SPON1: variants seen among roughly 807,000 people sequenced by gnomAD.
SPON1 encodes spondin 1.
Under a neutral mutation model 111.7 loss-of-function variants are expected in SPON1, and 52 were observed. The ratio of observed to expected loss-of-function variants is 0.47; its 90% CI spans 0.37 to 0.59. The LOEUF (loss-of-function observed/expected upper bound fraction) is 0.59, where lower values mean the gene tolerates loss of function less well. Ranked by LOEUF, SPON1 falls within the 20% of genes least tolerant of loss-of-function variation. The probability of loss-of-function intolerance (pLI) is 0.00; values close to 1 mark genes in which losing one functional copy is unlikely to be tolerated. For missense variants in SPON1, 957 were observed against 1,068.5 expected, an observed-to-expected ratio of 0.90 and a Z score of 1.46; for synonymous variants, 410 against 395.8, an observed-to-expected ratio of 1.04 and a Z score of -0.43.
At chr11:14,068,326 C>T (rs1848848354) in intron 3 of SPON1, among the ~76,000 whole-genome samples, 1 of 152,164 alleles carries the variant, frequency 6.6e-6, no homozygotes, top group Non-Finnish European at 1.5e-5. Flanking sequence ...TTATTAAAAT[C>T]AGAACCAGGG....
intron 6 of SPON1, among the ~76,000 whole-genome samples, chr11:14,144,015 C>T (rs903351160): frequency 3.1e-4 from 47 of 152,264 alleles, no homozygotes; most frequent in African/African-American, 9.9e-4. Flanking sequence ...CTTCTTAAGT[C>T]TCTGACCTCG....
intron 5 of SPON1, among the ~76,000 whole-genome samples, chr11:14,120,128 A>G (rs190330194): frequency 6.6e-6 from 1 of 152,206 alleles, no homozygotes; most frequent in African/African-American, 2.4e-5. Flanking sequence ...GAGTCATTTA[A>G]TCTGTCTGTG....
intron 6 of SPON1, among the ~76,000 whole-genome samples, chr11:14,218,608 AC>A (rs35490070): frequency 0.12 from 18,984 of 152,106 alleles, 1,396 homozygotes; most frequent in South Asian, 0.23. Context: ...TGTTAGGCAT[AC>A]CCTAGCAGCC....
rs782023337 is a variant in SPON1, at chr11:14,243,357, A to C, written c.851A>C (p.Lys284Thr). The change falls in exon 7 of 16, where the codon AAA becomes ACA. Residue 284 changes from lysine to threonine, a missense_variant. By Grantham distance (78) the Lys-to-Thr change is moderately conservative. Coordinates refer to ENST00000576479, the MANE Select transcript of SPON1 (RefSeq NM_006108.4). ...QQSDEVLTVI[K>T]AKAQWPAWQP... ...AGTGATGAGGTCCTCACCGTCATCA[A>C]AGCCAAAGCCCAATGGCCAGCCTGG... 1 of 1,585,328 alleles carries C rather than the reference A, an allele frequency of 6.3e-7. No homozygotes were observed. Among genetic ancestry groups the C allele is most frequent in the African/African-American group, 1.3e-5 (1 of 74,364 alleles).
intron 2 of SPON1, among the ~76,000 whole-genome samples, chr11:13,998,375 G>A (rs1463174485): frequency 1.3e-5 from 2 of 152,146 alleles, no homozygotes; most frequent in African/African-American, 4.8e-5. Context: ...TCCTTTCTGG[G>A]TTATTCCAGG....
At chr11:14,189,444 A>G (rs1848320039) in intron 6 of SPON1, among the ~76,000 whole-genome samples, 1 of 152,042 alleles carries the variant, frequency 6.6e-6, no homozygotes, top group African/African-American at 2.4e-5. Context: ...CACAGCATTA[A>G]GCTTCCCACC....
At chr11:14,031,584 G>A (rs1024566166) in intron 2 of SPON1, among the ~76,000 whole-genome samples, 2 of 152,006 alleles carry the variant, frequency 1.3e-5, no homozygotes, top group Non-Finnish European at 2.9e-5. Context: ...AATCAGTACC[G>A]CTATTAACAA....
Position 14,262,838 on chromosome 11 carries a change from A to C in SPON1, c.2123A>C (p.Glu708Ala). Residue 708 changes from glutamate to alanine, a missense_variant, in exon 15 of 16, where the codon GAG becomes GCG. By Grantham distance (107) the Glu-to-Ala change is moderately radical (BLOSUM62 -1). Around this residue, in one of 5 missense-constraint regions of SPON1, gnomAD observed 549 missense variants for 606.2 expected, o/e 0.91. Transcript: ENST00000576479. ...EPQFGGAPCP[E>A]TVQRKKCRIR... ...CAGTTTGGAGGTGCACCCTGCCCAG[A>C]GACTGTGCAGCGAAAAAAGTGCCGC... 1.2e-6 allele frequency: 2 copies of C among 1,613,934 alleles called. No individual in the cohort carries two copies. Among genetic ancestry groups the C allele is most frequent in the Non-Finnish European group, 1.7e-6 (2 of 1,179,882 alleles).
At chr11:14,180,651 C>G (rs537375729) in intron 6 of SPON1, among the ~76,000 whole-genome samples, 1 of 152,322 alleles carries the variant, frequency 6.6e-6, no homozygotes, top group Non-Finnish European at 1.5e-5. Context: ...TTATGATCTG[C>G]CTGCCCTAAT....
chr11:14,242,387 A>G (rs1482318286), intron 6 of SPON1, among the ~76,000 whole-genome samples: 5 of 152,152 alleles, frequency 3.3e-5, no homozygotes, highest in African/African-American at 1.2e-4. Context: ...TTCCTTCCCC[A>G]GCTGGTGACA....
intron 3 of SPON1, among the ~76,000 whole-genome samples, 158 bp downstream of exon 3, chr11:14,041,812 T>G (rs1554917325): frequency 2.0e-5 from 3 of 152,162 alleles, no homozygotes; most frequent in Non-Finnish European, 2.9e-5. Flanking sequence ...CTATCATTGG[T>G]GAAGTGTTCC....
intron 3 of SPON1, among the ~76,000 whole-genome samples, chr11:14,044,928 T>C (rs1554917697): frequency 6.6e-6 from 1 of 152,240 alleles, no homozygotes; most frequent in African/African-American, 2.4e-5. Flanking sequence ...ATGTTAATTA[T>C]TCCAAAGTTA....
At chr11:14,024,064 T>A (rs1449309643) in intron 2 of SPON1, among the ~76,000 whole-genome samples, 2 of 151,164 alleles carry the variant, frequency 1.3e-5, no homozygotes, top group East Asian at 1.9e-4. Flanking sequence ...ACAAGGCATG[T>A]GACAGTGGTA....
chr11:14,162,911 G>T (rs1321078095), intron 6 of SPON1, among the ~76,000 whole-genome samples: 3 of 152,192 alleles, frequency 2.0e-5, no homozygotes, highest in African/African-American at 7.2e-5. Flanking sequence ...GCAAGCATCG[G>T]CTGGTCCTGC....
chr11:14,084,154 G>C (rs11023083), intron 5 of SPON1, among the ~76,000 whole-genome samples: 3 of 150,940 alleles, frequency 2.0e-5, no homozygotes, highest in African/African-American at 4.9e-5. Context: ...TTAACTTTAA[G>C]TTCTGGGATA....
At chr11:14,145,678 ATATC>A (rs1280002373) in intron 6 of SPON1, among the ~76,000 whole-genome samples, 1 of 152,206 alleles carries the variant, frequency 6.6e-6, no homozygotes, top group Non-Finnish European at 1.5e-5. Flanking sequence ...AAATAATTCT[ATATC>A]TAGGAATATG....
intron 5 of SPON1, among the ~76,000 whole-genome samples, chr11:14,129,783 C>T (rs1385990590): frequency 6.6e-6 from 1 of 152,206 alleles, no homozygotes; most frequent in Non-Finnish European, 1.5e-5. Flanking sequence ...GTTTAATTGA[C>T]TAACAGTTCG....
chr11:13,979,400 A>G (rs1186306203), intron 1 of SPON1, among the ~76,000 whole-genome samples: 1 of 152,186 alleles, frequency 6.6e-6, no homozygotes, highest in Non-Finnish European at 1.5e-5. Flanking sequence ...ATTCCCAAGT[A>G]TGGATTAGAA....
rs1564919882 is a variant in SPON1 at position 14,161,011 on chromosome 11, T to TTATATATCTATATATATTTATATATATC, written c.825+25451_825+25478dup. Among the ~76,000 whole-genome samples, 28 of 35,126 alleles carry TTATATATCTATATATATTTATATATATC rather than the reference T, an allele frequency of 8.0e-4. 1 individual carries two copies. The highest frequency in any genetic ancestry group is 3.0e-3 in the African/African-American group (26 of 8,788). The allele number at this position is 35,126 out of a possible 152,430, so 23.0% of individuals were successfully genotyped here. On this transcript the variant is annotated intron_variant, in intron 6 of 15. Transcript: ENST00000576479. ...TATATATTTTTATATATTTATATAT[T>TTATATATCTATATATATTTATATATATC]TATATATCTATATATATTTATATAT...
Sources: allele counts gnomAD v4.1 joint callset (sites outside exome capture counted in the v4.1 genomes callset), GRCh38; gene constraint gnomAD v4.1.1; regional missense constraint gnomAD v4.1.1; transcripts MANE v1.5; gene names NCBI Gene and HGNC (gene_info 2026-07-23, HGNC 2026-07-21).